Variants in ENOX2 observed in about 807,000 individuals in gnomAD.
The protein encoded by ENOX2 is APK1 antigen.
In ENOX2, 36 loss-of-function variants were observed where a neutral mutation model predicts 45.0. The ratio of observed to expected loss-of-function variants is 0.80; its 90% confidence interval spans 0.61 to 1.06. The LOEUF (loss-of-function observed/expected upper bound fraction) is 1.06. Among genes scored for constraint, ENOX2 ranks in the 50% least tolerant of loss-of-function variants. The pLI, the probability that ENOX2 is intolerant of heterozygous loss-of-function variation, is 0.00. For missense variants in ENOX2, 423 were observed against 462.5 expected (o/e 0.91, Z 0.78); for synonymous variants, 174 against 152.3 (o/e 1.14, Z -1.05).
chrX:130,840,522 A>AAAATAAATAAATAAATAAAT (rs61403363), intron 2 of ENOX2, among the ~76,000 whole-genome samples: 1 of 103,213 alleles, frequency 9.7e-6, no homozygotes, highest in Admixed American at 1.0e-4. Context: ...TCTCTTTTAA[A>AAAATAAATAAATAAATAAAT]AAATAAATAA....
intron 3 of ENOX2, among the ~76,000 whole-genome samples, chrX:130,746,809 G>A (rs952405797): frequency 9.8e-5 from 11 of 111,857 alleles, no homozygotes; most frequent in African/African-American, 3.6e-4. Flanking sequence ...AACCAAGCTG[G>A]GTGGCTGTGT....
chrX:130,625,530 G>C, intron 14 of ENOX2, 85 bp from the exon 15 acceptor site: 1 of 1,016,086 alleles, frequency 9.8e-7, no homozygotes, highest in Non-Finnish European at 1.3e-6. Context: ...TTAGAATGCT[G>C]ATGTGTCTGT....
chrX:130,785,640 G>A (rs775808346), intron 2 of ENOX2, among the ~76,000 whole-genome samples: 1 of 111,955 alleles, frequency 8.9e-6, no homozygotes, highest in Non-Finnish European at 1.9e-5. Context: ...AAAAAAAATT[G>A]AGATCATGAC....
intron 10 of ENOX2, among the ~76,000 whole-genome samples, chrX:130,646,930 A>G (rs903227473): frequency 8.9e-6 from 1 of 112,144 alleles, no homozygotes; most frequent in African/African-American, 3.2e-5. Context: ...TTTCGACAGT[A>G]TCAAGCGTAG....
At chrX:130,846,799 T>C (rs1055964531) in intron 2 of ENOX2, among the ~76,000 whole-genome samples, 3 of 112,748 alleles carry the variant, frequency 2.7e-5, no homozygotes, top group African/African-American at 9.7e-5. Flanking sequence ...GATTTTTCTT[T>C]TATAAATCTG....
chrX:130,754,812 C>T (rs1402646822), intron 3 of ENOX2, among the ~76,000 whole-genome samples: 1 of 111,153 alleles, frequency 9.0e-6, no homozygotes, highest in Non-Finnish European at 1.9e-5. Context: ...ACTTGGGTAA[C>T]AGGATCATTA....
At chrX:130,899,482 C>T (rs1039750267) in intron 2 of ENOX2, among the ~76,000 whole-genome samples, 2 of 111,910 alleles carry the variant, frequency 1.8e-5, no homozygotes, top group African/African-American at 6.5e-5. Flanking sequence ...AGACCGACAC[C>T]CTACAGTGTG....
chrX:130,666,243 T>C (rs1206195352), intron 8 of ENOX2, among the ~76,000 whole-genome samples: 2 of 112,236 alleles, frequency 1.8e-5, no homozygotes, highest in Non-Finnish European at 3.8e-5. Context: ...TTCTGAGGTA[T>C]GTTTAACAAG....
chrX:130,627,347 G>A (rs1380909125), intron 14 of ENOX2, among the ~76,000 whole-genome samples: 2 of 111,945 alleles, frequency 1.8e-5, no homozygotes, highest in African/African-American at 3.3e-5. Context: ...TTGGGAGGCC[G>A]AGGCAGGCGG....
chrX:130,655,321 A>G (rs1374516729), intron 10 of ENOX2, among the ~76,000 whole-genome samples: 4 of 112,109 alleles, frequency 3.6e-5, no homozygotes, highest in Non-Finnish European at 7.5e-5. Flanking sequence ...GCTAATAAAT[A>G]TCTTTTTCAA....
chrX:130,801,656 C>T (rs952641970), intron 2 of ENOX2, among the ~76,000 whole-genome samples: 1 of 112,032 alleles, frequency 8.9e-6, no homozygotes, highest in Non-Finnish European at 1.9e-5. Flanking sequence ...ATTTTCTATA[C>T]AAATTAATAA....
intron 3 of ENOX2, among the ~76,000 whole-genome samples, chrX:130,774,222 T>A (rs954409032): frequency 8.9e-6 from 1 of 112,093 alleles, no homozygotes; most frequent in African/African-American, 3.2e-5. Flanking sequence ...TGTATAATAG[T>A]CCTTTGATAC....
rs1279470659 is a variant in ENOX2, at chrX:130,883,302, G to C, written c.-183+18382C>G. On this transcript the variant is annotated intron_variant, in intron 2 of 14. Transcript: ENST00000394363. ...ATTTTTATATTTTTAGTAGAGACAG[G>C]GTTTTGCCACGTTGGCCACGCTGGA... Among the ~76,000 whole-genome samples, 3 of 110,978 alleles carry C rather than the reference G, an allele frequency of 2.7e-5. No homozygotes were observed. The East Asian group carries it at 8.5e-4, about 32-fold the overall frequency.
At chrX:130,712,402 C>A (rs2038217233) in intron 3 of ENOX2, among the ~76,000 whole-genome samples, 1 of 111,554 alleles carries the variant, frequency 9.0e-6, no homozygotes. Context: ...TAAATAAAAA[C>A]ACCTGAAACT....
chrX:130,825,721 G>A (rs61416901), intron 2 of ENOX2, among the ~76,000 whole-genome samples: 131 of 110,726 alleles, frequency 1.2e-3, no homozygotes, highest in African/African-American at 3.7e-3. Context: ...GATGATTTAC[G>A]GCCTCATTCA....
chrX:130,891,020 T>C (rs1019719514), intron 2 of ENOX2, among the ~76,000 whole-genome samples: 4 of 111,640 alleles, frequency 3.6e-5, no homozygotes, highest in Non-Finnish European at 7.5e-5. Context: ...CCCAACTCTT[T>C]TAAGGATTCA....
At chrX:130,899,704 A>G (rs1033543744) in intron 2 of ENOX2, among the ~76,000 whole-genome samples, 2 of 112,114 alleles carry the variant, frequency 1.8e-5, no homozygotes. Context: ...AGTGCCTTGA[A>G]TATTTGTGCT....
In ENOX2 at chrX:130,689,011, A is replaced by G. The variant is rs764450156; in HGVS notation, c.105T>C (p.Asp35=). The change falls in exon 5 of 15, where the codon GAT becomes GAC. Residue 35 remains aspartate (D), a synonymous_variant. Transcript: ENST00000394363. The part of the protein sequence containing the change: ...IAGQPILPDF[D]PALGMMTGIP... ...TTCCAGTCATCATTCCAAGAGCAGGATCAAAGTCTAAAAAAGGAGAAGAGA... is the reference window on the plus strand; with the variant it reads ...TTCCAGTCATCATTCCAAGAGCAGGGTCAAAGTCTAAAAAAGGAGAAGAGA... 3.3e-6 allele frequency: 4 copies of G among 1,203,759 alleles called. No homozygotes were observed. In the African/African-American group the frequency reaches 7.0e-5, roughly 21 times the overall value.
chrX:130,886,800 C>T (rs1370122892), intron 2 of ENOX2, among the ~76,000 whole-genome samples: 3 of 112,247 alleles, frequency 2.7e-5, no homozygotes, highest in Non-Finnish European at 3.8e-5. Flanking sequence ...TATCCCAAAT[C>T]TATACAACCA....
Sources: allele counts gnomAD v4.1 joint callset (sites outside exome capture counted in the v4.1 genomes callset), GRCh38; gene constraint gnomAD v4.1.1; transcripts MANE v1.5; gene names NCBI Gene and HGNC (gene_info 2026-07-23, HGNC 2026-07-21).